MYO9B: variants seen among roughly 807,000 people sequenced by gnomAD.
The protein encoded by MYO9B is myosin IXB.
A neutral mutation model predicts 229.5 loss-of-function variants in MYO9B; 71 were observed. That is an observed-to-expected ratio of 0.31 (90% CI 0.26 to 0.38). The LOEUF (loss-of-function observed/expected upper bound fraction) is 0.38, where lower values mean the gene tolerates loss of function less well. Among genes scored for constraint, MYO9B ranks in the 10% least tolerant of loss-of-function variants. The pLI, the probability that MYO9B is intolerant of heterozygous loss-of-function variation, is 1.00. For missense variants in MYO9B, 2,255 were observed against 2,920.5 expected, an observed-to-expected ratio of 0.77 and a Z score of 5.25; for synonymous variants, 1,185 against 1,235.8, an observed-to-expected ratio of 0.96 and a Z score of 0.86.
rs766710845 is a variant in MYO9B, at chr19:17,211,710, C to T, written c.5994C>T (p.Asp1998=). The T allele has an allele frequency of 2.7e-5, 44 of 1,612,338 alleles. No individual in the cohort carries two copies. The highest frequency in any genetic ancestry group is 3.6e-5 in the Non-Finnish European group (42 of 1,179,634). The change falls in exon 39 of 40, where the codon GAC becomes GAT. Residue 1998 remains aspartate (D), a synonymous_variant. Transcript: ENST00000682292. ...DPRGSDEENL[D]SETSASTESL... ...GGGGCTCGGACGAGGAGAACCTGGA[C>T]TCGGAGACGTCGGCCAGCACCGAGA...
intron 26 of MYO9B, 131 bp downstream of exon 26, chr19:17,200,960 C>A: frequency 9.4e-7 from 1 of 1,065,674 alleles, no homozygotes; most frequent in Non-Finnish European, 1.4e-6. Context: ...AGGCTCAGGC[C>A]GGGGACAGTG....
Position 17,162,330 on chromosome 19 carries a change from C to T in MYO9B, c.1420-20C>T. On this transcript the variant is annotated intron_variant, in intron 8 of 39. Transcript: ENST00000682292. Reference sequence around the variant, plus strand: ...AGGGCCTGCCGTGCCGGAGGTGAGTCACCCCCTCTGTGTCCACAGGCCATC... The same window carrying T: ...AGGGCCTGCCGTGCCGGAGGTGAGTTACCCCCTCTGTGTCCACAGGCCATC... 1 of 1,550,194 alleles carries T rather than the reference C, an allele frequency of 6.5e-7. No homozygotes were observed. The highest frequency in any genetic ancestry group is 8.7e-7 in the Non-Finnish European group (1 of 1,147,694).
chr19:17,181,415 G>T (rs1175434918), intron 15 of MYO9B, among the ~76,000 whole-genome samples: 1 of 152,214 alleles, frequency 6.6e-6, no homozygotes, highest in East Asian at 1.9e-4. Context: ...CTGCAGCAGG[G>T]CATGCGATTT....
chr19:17,131,767 C>T (rs192326395), intron 2 of MYO9B, among the ~76,000 whole-genome samples: 60 of 152,194 alleles, frequency 3.9e-4, no homozygotes, highest in African/African-American at 1.4e-3. Context: ...ACTGCCTCTA[C>T]GTTAGTTTTA....
rs777370496 is a variant in MYO9B, at chr19:17,194,757, C to G, written c.3330C>G (p.Pro1110=). The part of the protein sequence containing the change: ...EPEVQPSDRS[P]LEHSSPEKEA... The stretch of plus-strand genomic sequence containing the variant: ...AGGTGCAGCCAAGTGACAGGTCCCC[C>G]CTAGAGCACTCCTCACCTGAGAAGG... The change falls in exon 22 of 40, where the codon CCC becomes CCG. Residue 1110 remains proline, a synonymous_variant. Coordinates refer to ENST00000682292, the MANE Select transcript of MYO9B (RefSeq NM_004145.4). 1 of 1,613,108 alleles carries G rather than the reference C, an allele frequency of 6.2e-7. No individual in the cohort carries two copies. Among genetic ancestry groups the G allele is most frequent in the African/African-American group, 1.3e-5 (1 of 74,908 alleles).
chr19:17,115,469 C>CTT (rs35124094), intron 2 of MYO9B, among the ~76,000 whole-genome samples: 13,862 of 132,432 alleles, frequency 0.1, 971 homozygotes, highest in Non-Finnish European at 0.13. Context: ...TCACAGATGC[C>CTT]TTTTTTTTTT....
At position 17,195,531 on chromosome 19, in the gene MYO9B, C is replaced by G. The variant is rs865882743; in HGVS notation, c.4046+58C>G. On this transcript the variant is annotated intron_variant, in intron 22 of 39. Coordinates refer to ENST00000682292, the MANE Select transcript of MYO9B (RefSeq NM_004145.4). This position sits in a 1 kb window ranked among gnomAD's most constrained non-coding sequence, Gnocchi z 4.5. ...AGGGTCCAGGCCAGGTGGGCAAGGC[C>G]AGGGGCAGTGCCACACATCCTGGAA... The G allele has an allele frequency of 6.5e-6, 10 of 1,532,800 alleles. No homozygotes were observed. The Middle Eastern group carries it at 5.3e-4, about 81-fold the overall frequency. 94.9% of individuals were successfully genotyped at this position (1,532,800 alleles called of 1,614,324 possible).
intron 2 of MYO9B, among the ~76,000 whole-genome samples, chr19:17,123,869 C>T (rs2057989731): frequency 6.6e-6 from 1 of 152,038 alleles, no homozygotes; most frequent in African/African-American, 2.4e-5. Context: ...CTTACACATA[C>T]ATGGAACATT....
chr19:17,178,709 A>G (rs753697831), intron 14 of MYO9B, among the ~76,000 whole-genome samples: 4 of 152,212 alleles, frequency 2.6e-5, no homozygotes, highest in Non-Finnish European at 4.4e-5. Flanking sequence ...AGTAAGGTTG[A>G]GTGCTTTGAG....
At chr19:17,121,673 A>G (rs2057966628) in intron 2 of MYO9B, among the ~76,000 whole-genome samples, 1 of 152,152 alleles carries the variant, frequency 6.6e-6, no homozygotes, top group Non-Finnish European at 1.5e-5. Flanking sequence ...TTACATGTGC[A>G]AATGTTCACT....
At chr19:17,108,230 C>G (rs1010281144) in intron 2 of MYO9B, among the ~76,000 whole-genome samples, 8 of 152,224 alleles carry the variant, frequency 5.3e-5, no homozygotes, top group African/African-American at 1.9e-4. Context: ...TTTTCTCCAG[C>G]GGTTCTAAGC....
At chr19:17,171,809 C>T (rs1357325758) in intron 11 of MYO9B, among the ~76,000 whole-genome samples, 2 of 152,164 alleles carry the variant, frequency 1.3e-5, no homozygotes, top group Non-Finnish European at 2.9e-5. Flanking sequence ...AAACATTGTA[C>T]TATAGTCCCA....
At chr19:17,162,839 A>T (rs1377044244) in intron 9 of MYO9B, 149 bp from the exon 10 acceptor site, 7 of 909,452 alleles carry the variant, frequency 7.7e-6, no homozygotes, top group Non-Finnish European at 1.1e-5. Context: ...AAAATTATGG[A>T]TTCCATGCTG....
chr19:17,077,877 T>C (rs575318235), intron 1 of MYO9B, among the ~76,000 whole-genome samples: 1 of 152,262 alleles, frequency 6.6e-6, no homozygotes, highest in African/African-American at 2.4e-5. Context: ...AAAATTGCGG[T>C]GTTGAAGGTG....
Position 17,187,954 on chromosome 19 carries a change from A to G in MYO9B, c.2597A>G (p.Asp866Gly), listed in dbSNP as rs781777606. The change falls in exon 19 of 40, where the codon GAC becomes GGC. Residue 866 changes from aspartate to glycine, a missense_variant. Around this residue, in one of 7 missense-constraint regions of MYO9B, gnomAD observed 68 missense variants for 133.5 expected, o/e 0.51. Coordinates refer to ENST00000682292, the MANE Select transcript of MYO9B (RefSeq NM_004145.4). Reference protein sequence around the residue: ...NAEKKELCFDDELVLQQLRYT... With the variant: ...NAEKKELCFDGELVLQQLRYT... ...TTTCAGAAAGAGCTGTGCTTTGACG[A>G]CGAGCTGGTCCTGCAGCAGCTGCGC... 1 of 1,592,632 alleles carries G rather than the reference A, an allele frequency of 6.3e-7. No homozygotes were observed. Among genetic ancestry groups the G allele is most frequent in the Non-Finnish European group, 8.5e-7 (1 of 1,169,682 alleles).
chr19:17,183,973 C>A, intron 16 of MYO9B, 105 bp downstream of exon 16: 2 of 1,099,944 alleles, frequency 1.8e-6, no homozygotes, highest in Non-Finnish European at 2.6e-6. Context: ...CTCCTTCCCA[C>A]TATCTCCCCC....
At chr19:17,194,469 C>G in intron 21 of MYO9B, 87 bp from the exon 22 acceptor site, 1 of 1,470,146 alleles carries the variant, frequency 6.8e-7, no homozygotes, top group South Asian at 1.2e-5. Context: ...GTCTGCAGCC[C>G]GCAGGCTGGG....
In MYO9B at chr19:17,207,171, G is replaced by C; in HGVS notation, c.5551G>C (p.Ala1851Pro). ...MSPGALAIIF[A>P]PCLLRCPDNS... ...ACCTGGGGCGCTGGCCATTATCTTC[G>C]CACCCTGCCTCCTGCGCTGCCCTGA... Residue 1851 changes from alanine to proline, a missense_variant, in exon 35 of 40, where the codon GCA becomes CCA. Physicochemically the swap from Ala to Pro is conservative, Grantham distance 27. Transcript: ENST00000682292. 6.2e-7 allele frequency: 1 copy of C among 1,607,164 alleles called. No individual in the cohort carries two copies. Among genetic ancestry groups the C allele is most frequent in the Non-Finnish European group, 8.5e-7 (1 of 1,177,612 alleles).
chr19:17,129,644 C>A (rs1033323541), intron 2 of MYO9B, among the ~76,000 whole-genome samples: 2 of 152,176 alleles, frequency 1.3e-5, no homozygotes, highest in Non-Finnish European at 2.9e-5. Context: ...TCTGTTTCCT[C>A]GTCTGAAATG....
Sources: allele counts gnomAD v4.1 joint callset (sites outside exome capture counted in the v4.1 genomes callset), GRCh38; gene constraint gnomAD v4.1.1; regional missense constraint gnomAD v4.1.1; non-coding constraint Gnocchi (gnomAD v3.1); transcripts MANE v1.5; gene names NCBI Gene and HGNC (gene_info 2026-07-23, HGNC 2026-07-21).